RPL3: variants seen among roughly 807,000 people sequenced by gnomAD.
RPL3 encodes ribosomal protein L3.
A neutral mutation model predicts 46.0 loss-of-function variants in RPL3; 3 were observed. The observed-to-expected ratio is 0.07, with a 90% CI of 0.03 to 0.17. The LOEUF (loss-of-function observed/expected upper bound fraction) is 0.17. Ranked by LOEUF, RPL3 falls within the 10% of genes least tolerant of loss-of-function variation. The probability of loss-of-function intolerance (pLI) is 1.00; values close to 1 mark genes in which losing one functional copy is unlikely to be tolerated. For synonymous variants in RPL3, 224 were observed against 190.8 expected (o/e 1.17, Z -1.43); for missense variants, 387 against 532.7 (o/e 0.73, Z 2.69).
chr22:39,314,429 AC>A (rs1241728798), intron 6 of RPL3: 9 of 623,550 alleles, frequency 1.4e-5, no homozygotes, highest in African/African-American at 3.7e-5. Context: ...CAGGCCTGTC[AC>A]CCCCCTGGTG....
chr22:39,318,670 CA>C, intron 1 of RPL3, 78 bp from the exon 2 acceptor site: 1 of 1,210,434 alleles, frequency 8.3e-7, no homozygotes, highest in Non-Finnish European at 1.1e-6. Context: ...GCTTAAGTTC[CA>C]AATCTCAGCA....
chr22:39,315,986 T>A (rs1922663721), intron 4 of RPL3, among the ~76,000 whole-genome samples: 1 of 152,126 alleles, frequency 6.6e-6, no homozygotes, highest in South Asian at 2.1e-4. Flanking sequence ...ACACCTGTAA[T>A]CCCAGCACTT....
intron 1 of RPL3, chr22:39,319,191 C>A: frequency 1.8e-6 from 1 of 544,696 alleles, no homozygotes; most frequent in East Asian, 5.0e-5. Context: ...CACTCCCCTC[C>A]CCCAAGCTTC....
At chr22:39,317,339 C>CA in intron 3 of RPL3, 122 bp downstream of exon 3, 2 of 1,184,034 alleles carry the variant, frequency 1.7e-6, no homozygotes, top group South Asian at 3.1e-5. Flanking sequence ...GTTCGAGAGG[C>CA]AAACTAAACC....
At chr22:39,319,134 C>G in intron 1 of RPL3, 1 of 542,474 alleles carries the variant, frequency 1.8e-6, no homozygotes, top group South Asian at 1.4e-5. Flanking sequence ...GCTCCAGAGG[C>G]CTTCGGAGTG....
At chr22:39,315,907 A>C (rs796273677) in intron 4 of RPL3, among the ~76,000 whole-genome samples, 1 of 152,238 alleles carries the variant, frequency 6.6e-6, no homozygotes, top group East Asian at 1.9e-4. Flanking sequence ...CACTTGCCCT[A>C]GTGACAAGCC....
chr22:39,315,863 T>C (rs993655103), intron 4 of RPL3, among the ~76,000 whole-genome samples: 13 of 152,222 alleles, frequency 8.5e-5, no homozygotes, highest in Non-Finnish European at 1.6e-4. Context: ...CAGTTCCTTT[T>C]GGGGTACTGC....
Position 39,318,083 on chromosome 22 carries a change from G to C in RPL3, c.196+317C>G, listed in dbSNP as rs192972164. 380 of 388,360 alleles carry C rather than the reference G, an allele frequency of 9.8e-4. 4 individuals are homozygous for C. The Admixed American group carries it at 0.015, about 15-fold the overall frequency. 24.1% of individuals were successfully genotyped at this position (388,360 alleles called of 1,614,324 possible). A position where few individuals can be genotyped will look rare whatever the true frequency, so the allele number is the denominator to read the frequency against. The stretch of plus-strand genomic sequence containing the variant: ...AGGTGAAAAAAACATGAATGAGGCA[G>C]TTCTTATGCCAGCCTCAGCAGCTCC... On this transcript the variant is annotated intron_variant, in intron 2 of 9. Transcript: ENST00000216146.
chr22:39,319,482 G>T, intron 1 of RPL3, 113 bp downstream of exon 1: 1 of 1,422,722 alleles, frequency 7.0e-7, no homozygotes, highest in Non-Finnish European at 9.7e-7. Flanking sequence ...TGGGTCGCCC[G>T]TGCCCCTAAA....
Position 39,316,745 on chromosome 22 carries a change from C to T in RPL3, c.462G>A (p.Lys154=), listed in dbSNP as rs1264662446. ...TGACACGGATGACTTGGCAGTACTT[C>T]TTCATGCTGCTGAAGTCCTTCTCCA... The part of the protein sequence containing the change: ...KQLEKDFSSM[K]KYCQVIRVIA... Residue 154 remains lysine (K), a synonymous_variant, in exon 4 of 10, where the codon AAG becomes AAA. Transcript: ENST00000216146. 2 of 1,613,130 alleles carry T rather than the reference C, an allele frequency of 1.2e-6. No individual in the cohort carries two copies. The highest frequency in any genetic ancestry group is 1.7e-6 in the Non-Finnish European group (2 of 1,179,888).
chr22:39,316,104 T>C (rs1922670473), intron 4 of RPL3, among the ~76,000 whole-genome samples: 1 of 152,146 alleles, frequency 6.6e-6, no homozygotes, highest in South Asian at 2.1e-4. Flanking sequence ...TAGGGCGTGG[T>C]GGCGCATGCC....
At chr22:39,313,602 G>GC (rs762831799) in intron 8 of RPL3, 32 bp downstream of exon 8, 52 of 1,596,716 alleles carry the variant, frequency 3.3e-5, no homozygotes, top group East Asian at 6.7e-5. Context: ...CTCTACAAGA[G>GC]CCCCCCCATG....
intron 3 of RPL3, 77 bp downstream of exon 3, chr22:39,317,384 G>C: frequency 6.6e-7 from 1 of 1,513,930 alleles, no homozygotes; most frequent in South Asian, 1.2e-5. Flanking sequence ...ACAGAGCTGA[G>C]AAACCATGCA....
chr22:39,318,149 C>T, intron 2 of RPL3: 1 of 480,470 alleles, frequency 2.1e-6, no homozygotes, highest in Non-Finnish European at 3.7e-6. Context: ...GCTAAGGTTC[C>T]TGGCAAATTT....
chr22:39,315,684 T>C lies in RPL3; in HGVS notation c.502-129A>G, dbSNP rs1922642874. 2.8e-6 allele frequency: 3 copies of C among 1,059,776 alleles called. No homozygotes were observed. In the East Asian group the frequency reaches 7.6e-5, roughly 27 times the overall value. The allele number at this position is 1,059,776 out of a possible 1,614,324, so 65.6% of individuals were successfully genotyped here. A position where few individuals can be genotyped will look rare whatever the true frequency, so the allele number is the denominator to read the frequency against. ...AAGCCAGTAACTCTGAACAAGTCAC[T>C]GAACCTCACCAAGAGGAAGGAACTT... On this transcript the variant is annotated intron_variant, in intron 4 of 9. Transcript: ENST00000216146.
chr22:39,317,464 T>C lies in RPL3; in HGVS notation c.362A>G (p.Asn121Ser), dbSNP rs763878182. 5.5e-5 allele frequency: 89 copies of C among 1,613,350 alleles called. No individual in the cohort carries two copies. The highest frequency in any genetic ancestry group is 8.8e-5 in the South Asian group (8 of 91,068). ...ACTGCATGGCCTCCTCCCTTACCAA[T>C]TCTTATAGAAACGCCTCTTGCATTC... ...SDECKRRFYK[N>S]WHKSKKKAFT... The change falls in exon 3 of 10, where the codon AAT becomes AGT. Residue 121 changes from asparagine to serine, a missense_variant. Physicochemically the swap from Asn to Ser is conservative, Grantham distance 46. Transcript: ENST00000216146.
chr22:39,314,027 T>C, intron 7 of RPL3, 80 bp downstream of exon 7: 3 of 1,189,586 alleles, frequency 2.5e-6, no homozygotes, highest in Non-Finnish European at 3.8e-6. Context: ...ACGATCCTGC[T>C]AGCAGCCCCT....
chr22:39,315,193 CAG>C lies in RPL3; in HGVS notation c.688+174_688+175del, dbSNP rs778094462. ...GTTGTCCCCTGGCCCTCCGCTATCC[CAG>C]CCACTTCTGACCACAAGGCTGTTCT... On this transcript the variant is annotated intron_variant, in intron 5 of 9. Coordinates refer to ENST00000216146, the MANE Select transcript of RPL3 (RefSeq NM_000967.4). 5.9e-5 allele frequency: 59 copies of C among 1,002,450 alleles called. No homozygotes were observed. The Middle Eastern group carries it at 1.0e-3, about 17-fold the overall frequency. 62.1% of individuals were successfully genotyped at this position (1,002,450 alleles called of 1,614,324 possible).
chr22:39,315,413 T>C lies in RPL3; in HGVS notation c.644A>G (p.Glu215Gly). ...GGTCACCCCGATGACGTCGATCATC[T>C]CATCCTGCCCAAACACTTGGTTCAC... ...VPVNQVFGQDEMIDVIGVTKG... is the reference protein window; with the variant it reads ...VPVNQVFGQDGMIDVIGVTKG... The change falls in exon 5 of 10, where the codon GAG becomes GGG. Residue 215 changes from glutamate (E) to glycine (G), a missense_variant. Transcript: ENST00000216146. 6.2e-7 allele frequency: 1 copy of C among 1,613,998 alleles called. No individual in the cohort carries two copies. Among genetic ancestry groups the C allele is most frequent in the Non-Finnish European group, 8.5e-7 (1 of 1,180,040 alleles).
Sources: allele counts gnomAD v4.1 joint callset (sites outside exome capture counted in the v4.1 genomes callset), GRCh38; gene constraint gnomAD v4.1.1; transcripts MANE v1.5; gene names NCBI Gene and HGNC (gene_info 2026-07-23, HGNC 2026-07-21).